PIGN: variants seen among roughly 807,000 people sequenced by gnomAD.
The protein encoded by PIGN is GPI ethanolamine phosphate transferase 1.
A neutral mutation model predicts 125.4 loss-of-function variants in PIGN; 117 were observed. That is an observed-to-expected ratio of 0.93 (90% confidence interval 0.80 to 1.09). The LOEUF is 1.09. PIGN is among the 50% of genes least tolerant of loss of function. PIGN has a pLI of 0.00. For missense variants in PIGN, 1,075 were observed against 1,094.9 expected (o/e 0.98, Z 0.26); for synonymous variants, 392 against 377.8 (o/e 1.04, Z -0.44).
chr18:62,125,766 G>A (rs1244324068), intron 14 of PIGN, among the ~76,000 whole-genome samples: 1 of 151,960 alleles, frequency 6.6e-6, no homozygotes, highest in Non-Finnish European at 1.5e-5. Flanking sequence ...TGTGTTTGGT[G>A]TATATTCTAT....
At chr18:62,048,765 A>C (rs1196049401) in intron 30 of PIGN, among the ~76,000 whole-genome samples, 1 of 149,912 alleles carries the variant, frequency 6.7e-6, no homozygotes, top group Non-Finnish European at 1.5e-5. Context: ...GGTTAGTTAC[A>C]TATGTATACA....
chr18:62,154,288 T>G, intron 7 of PIGN: 3 of 476,456 alleles, frequency 6.3e-6, no homozygotes, highest in Non-Finnish European at 1.1e-5. Context: ...CCAGGATGAA[T>G]CACAAACTAG....
At chr18:62,165,540 G>A (rs534171637) in intron 1 of PIGN, among the ~76,000 whole-genome samples, 3 of 152,200 alleles carry the variant, frequency 2.0e-5, no homozygotes, top group Non-Finnish European at 4.4e-5. Context: ...AGCTGAGGGA[G>A]AAAGTATTGA....
intron 30 of PIGN, among the ~76,000 whole-genome samples, chr18:62,054,489 ATT>A (rs367909088): frequency 6.0e-5 from 7 of 117,302 alleles, no homozygotes; most frequent in African/African-American, 6.3e-5. Flanking sequence ...TTTTTTTCCT[ATT>A]TTTTTTTTTT....
intron 15 of PIGN, among the ~76,000 whole-genome samples, chr18:62,114,037 A>C (rs1288181171): frequency 6.6e-6 from 1 of 152,164 alleles, no homozygotes. Flanking sequence ...TCATTTTAAA[A>C]AATGGTAATA....
At chr18:62,126,928 C>T (rs1019689493) in intron 14 of PIGN, among the ~76,000 whole-genome samples, 1 of 152,138 alleles carries the variant, frequency 6.6e-6, no homozygotes, top group Non-Finnish European at 1.5e-5. Flanking sequence ...AATGATTCAA[C>T]TTCCATTGTA....
chr18:62,160,625 A>G (rs1375724012), intron 4 of PIGN, among the ~76,000 whole-genome samples: 2 of 151,292 alleles, frequency 1.3e-5, no homozygotes, highest in African/African-American at 4.9e-5. Flanking sequence ...CTCCTGCCTC[A>G]GCCTCCCAGG....
At chr18:62,085,964 C>T (rs553253865) in intron 25 of PIGN, among the ~76,000 whole-genome samples, 53 of 152,252 alleles carry the variant, frequency 3.5e-4, no homozygotes, top group South Asian at 1.5e-3. Context: ...AGAGGAAGTA[C>T]GAATCATGAC....
chr18:62,156,987 A>G (rs1482756714), intron 6 of PIGN, 142 bp downstream of exon 6: 4 of 518,480 alleles, frequency 7.7e-6, no homozygotes, highest in Non-Finnish European at 1.4e-5. Flanking sequence ...TACTGTAATT[A>G]AACATCCCTA....
chr18:62,078,842 C>T (rs555183105), intron 28 of PIGN, among the ~76,000 whole-genome samples: 1 of 152,256 alleles, frequency 6.6e-6, no homozygotes. Context: ...TTATCATCCC[C>T]ACTGAGCCAC....
chr18:62,107,100 A>C lies in PIGN; in HGVS notation c.1575-15T>G. ...TAACTTGAAATCTGTTTCAAATAAA[A>C]AGACTGATTGAATTTTAAAGTTAGG... On this transcript the variant is annotated splice_polypyrimidine_tract_variant and intron_variant, in intron 17 of 30. Transcript: ENST00000640252. The C allele has an allele frequency of 6.7e-7, 1 of 1,498,674 alleles. No homozygotes were observed. Among genetic ancestry groups the C allele is most frequent in the Non-Finnish European group, 9.1e-7 (1 of 1,095,824 alleles). 92.8% of individuals were successfully genotyped at this position (1,498,674 alleles called of 1,614,324 possible).
At position 62,072,666 on chromosome 18, in the gene PIGN, A is replaced by G. The variant is rs2145717132; in HGVS notation, c.2672+7T>C. The G allele has an allele frequency of 1.2e-6, 2 of 1,601,526 alleles. No individual in the cohort carries two copies. The highest frequency in any genetic ancestry group is 3.4e-5 in the Admixed American group (2 of 59,286). On this transcript the variant is annotated splice_region_variant and intron_variant, in intron 30 of 30. Transcript: ENST00000640252. ...TGTTAAGCAATGCATGACCATATAT[A>G]CTATACCTTGTCCCAATATCAAGCC...
intron 17 of PIGN, among the ~76,000 whole-genome samples, chr18:62,108,192 T>A (rs2034727563): frequency 6.6e-6 from 1 of 152,208 alleles, no homozygotes. Flanking sequence ...GCACAGAGGA[T>A]CAACAGATGA....
intron 7 of PIGN, chr18:62,154,081 A>T (rs187879926): frequency 6.4e-6 from 1 of 157,074 alleles, no homozygotes. Context: ...TTTTATTATG[A>T]TCAATTTGCT....
At chr18:62,071,799 T>TATCTAC (rs2032864040) in intron 30 of PIGN, among the ~76,000 whole-genome samples, 1 of 148,616 alleles carries the variant, frequency 6.7e-6, no homozygotes, top group Admixed American at 6.7e-5. Context: ...AATAAACAAC[T>TATCTAC]GTTACCAGTA....
intron 1 of PIGN, among the ~76,000 whole-genome samples, chr18:62,180,436 G>T (rs4940549): frequency 0.4 from 60,574 of 151,926 alleles, 12,665 homozygotes; most frequent in East Asian, 0.73. Context: ...GACTGGCAAA[G>T]TGTCCATACT....
intron 1 of PIGN, among the ~76,000 whole-genome samples, chr18:62,170,385 T>C (rs1199310220): frequency 2.6e-5 from 4 of 152,150 alleles, no homozygotes; most frequent in African/African-American, 9.7e-5. Flanking sequence ...GTCTGTGTCA[T>C]ATTTTGTAAT....
At chr18:62,176,184 TA>T (rs1467498997) in intron 1 of PIGN, among the ~76,000 whole-genome samples, 1 of 152,174 alleles carries the variant, frequency 6.6e-6, no homozygotes, top group Non-Finnish European at 1.5e-5. Context: ...AGAATTGCTT[TA>T]ACAAGTAATG....
chr18:62,139,077 T>C lies in PIGN; in HGVS notation c.1024-2A>G. 2 of 1,575,202 alleles carry C rather than the reference T, an allele frequency of 1.3e-6. No homozygotes were observed. The highest frequency in any genetic ancestry group is 8.7e-7 in the Non-Finnish European group (1 of 1,150,580). ...AAGATAATCCACAGGAAGGATTCCC[T>C]GAAAATAACAAACACCAGCTTATTG... On this transcript the variant is annotated splice_acceptor_variant, in intron 12 of 30. Coordinates refer to ENST00000640252, the MANE Select transcript of PIGN (RefSeq NM_176787.5). LOFTEE classifies it high-confidence loss of function.
Sources: allele counts gnomAD v4.1 joint callset (sites outside exome capture counted in the v4.1 genomes callset), GRCh38; gene constraint gnomAD v4.1.1; transcripts MANE v1.5; gene names NCBI Gene and HGNC (gene_info 2026-07-23, HGNC 2026-07-21).